Variants in FUT9 observed in about 807,000 individuals in gnomAD.
FUT9 encodes fucosyltransferase 9.
In FUT9, 15 loss-of-function variants were observed where a neutral mutation model predicts 29.7. That is an observed-to-expected ratio of 0.51 (90% CI 0.34 to 0.78). The LOEUF is 0.78. FUT9 is among the 30% of genes least tolerant of loss of function. The probability of loss-of-function intolerance (pLI) is 0.01; values close to 1 mark genes in which losing one functional copy is unlikely to be tolerated. For synonymous variants in FUT9, 169 were observed against 153.7 expected, an observed-to-expected ratio of 1.10 and a Z score of -0.74; for missense variants, 319 against 425.4, an observed-to-expected ratio of 0.75 and a Z score of 2.20.
chr6:96,210,215 C>G lies in FUT9; in HGVS notation c.*5980C>G, dbSNP rs1004502277. The stretch of plus-strand genomic sequence containing the variant: ...GAGGTATTACCTTTCTTTAGTTCAC[C>G]TGGAATCTTCTTAAATATATCGGTA... On this transcript the variant is annotated 3_prime_UTR_variant, in exon 3 of 3. Transcript: ENST00000302103. The G allele has an allele frequency of 1.1e-4, 18 of 166,822 alleles. No individual in the cohort carries two copies. Among genetic ancestry groups the G allele is most frequent in the African/African-American group, 4.3e-4 (18 of 41,400 alleles). 10.3% of individuals were successfully genotyped at this position (166,822 alleles called of 1,614,324 possible).
intron 2 of FUT9, among the ~76,000 whole-genome samples, chr6:96,120,770 T>G (rs948413033): frequency 2.0e-5 from 3 of 151,684 alleles, no homozygotes; most frequent in Non-Finnish European, 2.9e-5. Context: ...AAATCACTTA[T>G]GGGAGATGCT....
rs187497977 is a variant in FUT9, at chr6:96,208,339, A to G, written c.*4104A>G. 6.0e-6 allele frequency: 1 copy of G among 166,590 alleles called. No homozygotes were observed. Among genetic ancestry groups the G allele is most frequent in the African/African-American group, 2.4e-5 (1 of 41,366 alleles). The allele number at this position is 166,590 out of a possible 1,614,324, so 10.3% of individuals were successfully genotyped here. On this transcript the variant is annotated 3_prime_UTR_variant, in exon 3 of 3. Transcript: ENST00000302103. ...CCTTACCTTATGACTGTGTTTGATC[A>G]TATCTTTGAGTTCCCTTGAACTCTG...
intron 1 of FUT9, among the ~76,000 whole-genome samples, chr6:96,024,944 A>T (rs1424990148): frequency 6.6e-6 from 1 of 151,768 alleles, no homozygotes; most frequent in African/African-American, 2.4e-5. Context: ...CCACTGCAAA[A>T]ACCTTTGATA....
intron 2 of FUT9, among the ~76,000 whole-genome samples, chr6:96,190,992 A>G (rs1468935228): frequency 6.6e-6 from 1 of 152,142 alleles, no homozygotes; most frequent in Non-Finnish European, 1.5e-5. Context: ...TCTGATTTTT[A>G]GAATTTTCAG....
chr6:96,016,927 T>C (rs1769990792), intron 1 of FUT9, among the ~76,000 whole-genome samples: 1 of 152,226 alleles, frequency 6.6e-6, no homozygotes, highest in Non-Finnish European at 1.5e-5. Context: ...CTTTTTGTTA[T>C]TGTTGTTTTA....
Position 96,031,695 on chromosome 6 carries a change from A to G in FUT9, c.-98+15483A>G, listed in dbSNP as rs1448885233. 2.0e-5 allele frequency among the ~76,000 whole-genome samples: 3 copies of G among 151,564 alleles called. 1 individual carries two copies. Among genetic ancestry groups the G allele is most frequent in the Non-Finnish European group, 4.4e-5 (3 of 67,658 alleles). On this transcript the variant is annotated intron_variant, in intron 1 of 2. Coordinates refer to ENST00000302103, the MANE Select transcript of FUT9 (RefSeq NM_006581.4). ...TCTACTAGTCATCAAAAACTTAGTT[A>G]TATTGATTAGTACATTTTGAAGAAT...
intron 2 of FUT9, among the ~76,000 whole-genome samples, chr6:96,117,180 T>A (rs1771927822): frequency 6.6e-6 from 1 of 152,204 alleles, no homozygotes. Context: ...TAGTTGATTT[T>A]TTTCAAAGGA....
intron 1 of FUT9, among the ~76,000 whole-genome samples, chr6:96,100,004 T>C (rs1209833201): frequency 3.9e-5 from 6 of 152,162 alleles, no homozygotes; most frequent in Admixed American, 1.3e-4. Context: ...AATGCTAACA[T>C]TGGGTGAGAA....
At chr6:96,078,295 C>T (rs1028667443) in intron 1 of FUT9, among the ~76,000 whole-genome samples, 56 of 150,506 alleles carry the variant, frequency 3.7e-4, no homozygotes, top group Non-Finnish European at 7.8e-4. Context: ...TATAATTCTG[C>T]TTTTGTTTCA....
chr6:96,043,300 CTCGGG>C, intron 1 of FUT9, among the ~76,000 whole-genome samples: 1 of 70,770 alleles, frequency 1.4e-5, no homozygotes, highest in African/African-American at 1.2e-4. Context: ...ATCCTCTCGC[CTCGGG>C]TCCCAAAGTG....
intron 1 of FUT9, among the ~76,000 whole-genome samples, chr6:96,105,208 G>A (rs1582232925): frequency 6.6e-6 from 1 of 152,140 alleles, no homozygotes. Flanking sequence ...CTGCTTTGTG[G>A]TAAATTGCCT....
intron 2 of FUT9, among the ~76,000 whole-genome samples, chr6:96,144,064 C>G (rs1235538068): frequency 6.6e-6 from 1 of 152,204 alleles, no homozygotes; most frequent in Non-Finnish European, 1.5e-5. Context: ...CCTGTTTACC[C>G]TGCTCTTGTT....
At chr6:96,075,203 T>C (rs1407900491) in intron 1 of FUT9, among the ~76,000 whole-genome samples, 1 of 152,140 alleles carries the variant, frequency 6.6e-6, no homozygotes, top group African/African-American at 2.4e-5. Flanking sequence ...CTATAGCACA[T>C]AAATCAGAAA....
At position 96,043,368 on chromosome 6, in the gene FUT9, G is replaced by A. The variant is rs576811357; in HGVS notation, c.-98+27156G>A. ...CCCAGACGATTGTTGTTTATTCTAA[G>A]GGTATAACTGTTATACATTATTTGA... is the stretch of plus-strand genomic sequence containing the variant. On this transcript the variant is annotated intron_variant, in intron 1 of 2. Transcript: ENST00000302103. Among the ~76,000 whole-genome samples, 3 of 152,252 alleles carry A rather than the reference G, an allele frequency of 2.0e-5. No homozygotes were observed. In the East Asian group the frequency reaches 5.8e-4, roughly 30 times the overall value.
At chr6:96,052,067 G>A (rs1442463540) in intron 1 of FUT9, among the ~76,000 whole-genome samples, 1 of 152,104 alleles carries the variant, frequency 6.6e-6, no homozygotes, top group Non-Finnish European at 1.5e-5. Context: ...GGAGGCCTCA[G>A]GAAACTTACA....
At chr6:96,185,535 C>T (rs775296794) in intron 2 of FUT9, among the ~76,000 whole-genome samples, 14 of 151,696 alleles carry the variant, frequency 9.2e-5, no homozygotes, top group South Asian at 2.1e-4. Context: ...AAGAGAACTT[C>T]GATTTTATTT....
At chr6:96,191,651 T>C (rs554400869) in intron 2 of FUT9, among the ~76,000 whole-genome samples, 1 of 152,214 alleles carries the variant, frequency 6.6e-6, no homozygotes. Flanking sequence ...CTATCAGAGG[T>C]ACAAGGAGGA....
intron 1 of FUT9, among the ~76,000 whole-genome samples, chr6:96,032,158 T>A: frequency 6.6e-6 from 1 of 151,540 alleles, no homozygotes. Flanking sequence ...TAATACAGAG[T>A]CCTTTTATGA....
At chr6:96,126,931 A>G (rs1347197906) in intron 2 of FUT9, among the ~76,000 whole-genome samples, 1 of 152,216 alleles carries the variant, frequency 6.6e-6, no homozygotes, top group Non-Finnish European at 1.5e-5. Flanking sequence ...CTAAGTGTCA[A>G]GGCTTATCAA....
Sources: allele counts gnomAD v4.1 joint callset (sites outside exome capture counted in the v4.1 genomes callset), GRCh38; gene constraint gnomAD v4.1.1; transcripts MANE v1.5; gene names NCBI Gene and HGNC (gene_info 2026-07-23, HGNC 2026-07-21).